MFN1: variants seen among roughly 807,000 people sequenced by gnomAD.
MFN1 encodes mitofusin 1, also known as mitofusin-1.
A neutral mutation model predicts 92.4 loss-of-function variants in MFN1; 65 were observed. The ratio of observed to expected loss-of-function variants is 0.70; its 90% CI spans 0.58 to 0.86. MFN1 has a LOEUF of 0.86. MFN1 is among the 40% of genes least tolerant of loss of function. The probability of loss-of-function intolerance (pLI) is 0.00; values close to 1 mark genes in which losing one functional copy is unlikely to be tolerated. For missense variants in MFN1, 781 were observed against 868.0 expected (o/e 0.90, Z 1.26); for synonymous variants, 297 against 300.9 (o/e 0.99, Z 0.13).
intron 9 of MFN1, among the ~76,000 whole-genome samples, chr3:179,370,006 T>C (rs971268205): frequency 5.3e-5 from 8 of 152,190 alleles, no homozygotes; most frequent in Admixed American, 3.3e-4. Flanking sequence ...TTTGAATTTT[T>C]CCAAACAATC....
chr3:179,350,311 T>A (rs774319779), intron 2 of MFN1, among the ~76,000 whole-genome samples: 1 of 152,082 alleles, frequency 6.6e-6, no homozygotes, highest in Non-Finnish European at 1.5e-5. Context: ...TGAGCTCCTT[T>A]AGGGCAGGAG....
chr3:179,377,552 A>G (rs1022667095), intron 12 of MFN1, 104 bp downstream of exon 12: 12 of 653,324 alleles, frequency 1.8e-5, no homozygotes, highest in African/African-American at 1.8e-4. Context: ...ACAAAATGAA[A>G]CTGTTAGATC....
chr3:179,376,634 A>G (rs1713251584), intron 10 of MFN1, among the ~76,000 whole-genome samples: 2 of 152,194 alleles, frequency 1.3e-5, no homozygotes, highest in African/African-American at 4.8e-5. Context: ...GCAGCCATAG[A>G]TAGATAATAG....
intron 4 of MFN1, 46 bp from the exon 5 acceptor site, chr3:179,362,311 AT>A (rs1240965032): frequency 6.0e-6 from 9 of 1,507,580 alleles, no homozygotes; most frequent in Non-Finnish European, 8.0e-6. Context: ...TTTTTATTGA[AT>A]TTTATTACAA....
At position 179,390,042 on chromosome 3, in the gene MFN1, T is replaced by C; in HGVS notation, c.2051T>C (p.Val684Ala). 1.2e-6 allele frequency: 2 copies of C among 1,605,216 alleles called. No homozygotes were observed. Among genetic ancestry groups the C allele is most frequent in the Non-Finnish European group, 1.7e-6 (2 of 1,177,668 alleles). ...ACTTTTGCTCGCCTGTGCCAACAAG[T>C]TGATATTACTCAAAAACAGCTGGAA... ...ATTFARLCQQ[V>A]DITQKQLEEE... is the part of the protein sequence containing the mutation. The change falls in exon 17 of 18, where the codon GTT (valine) becomes GCT (alanine). Residue 684 changes from valine to alanine, a missense_variant. Physicochemically the swap from Val to Ala is moderately conservative, Grantham distance 64. Transcript: ENST00000471841.
At chr3:179,358,242 C>T (rs1712424466) in intron 3 of MFN1, among the ~76,000 whole-genome samples, 2 of 151,500 alleles carry the variant, frequency 1.3e-5, no homozygotes, top group Admixed American at 1.3e-4. Context: ...CCTCCACCTC[C>T]TGGGTGCAAG....
At chr3:179,361,211 T>C (rs1482357596) in intron 4 of MFN1, among the ~76,000 whole-genome samples, 1 of 152,230 alleles carries the variant, frequency 6.6e-6, no homozygotes, top group Non-Finnish European at 1.5e-5. Flanking sequence ...AAATTCAAAC[T>C]TCTCGTGACT....
At chr3:179,363,126 CAG>C (rs1369817535) in intron 5 of MFN1, among the ~76,000 whole-genome samples, 1 of 152,086 alleles carries the variant, frequency 6.6e-6, no homozygotes, top group African/African-American at 2.4e-5. Flanking sequence ...TTTTTTGAGA[CAG>C]AGTCTCACTC....
At chr3:179,387,408 T>G (rs1213359582) in intron 16 of MFN1, among the ~76,000 whole-genome samples, 1 of 151,884 alleles carries the variant, frequency 6.6e-6, no homozygotes, top group Non-Finnish European at 1.5e-5. Context: ...TAGCCGGGCA[T>G]GGTAGCACAT....
chr3:179,377,911 A>C (rs1184024309), intron 12 of MFN1, among the ~76,000 whole-genome samples: 1 of 152,014 alleles, frequency 6.6e-6, no homozygotes, highest in African/African-American at 2.4e-5. Flanking sequence ...AAATACAAAA[A>C]AAAAATTAGC....
intron 9 of MFN1, among the ~76,000 whole-genome samples, chr3:179,368,421 T>G (rs1490888862): frequency 6.6e-6 from 1 of 152,200 alleles, no homozygotes; most frequent in Non-Finnish European, 1.5e-5. Context: ...GGAACAAGAG[T>G]AAACAAGCGT....
At position 179,358,879 on chromosome 3, in the gene MFN1, G is replaced by T; in HGVS notation, c.288G>T (p.Leu96Phe). 6.2e-7 allele frequency: 1 copy of T among 1,613,906 alleles called. No individual in the cohort carries two copies. Among genetic ancestry groups the T allele is most frequent in the South Asian group, 1.1e-5 (1 of 91,074 alleles). The change falls in exon 4 of 18, where the codon TTG becomes TTT. Residue 96 changes from leucine to phenylalanine, a missense_variant. Coordinates refer to ENST00000471841, the MANE Select transcript of MFN1 (RefSeq NM_033540.3). ...SGKSSVINAMLWDKVLPSGIG... is the reference protein window; with the variant it reads ...SGKSSVINAMFWDKVLPSGIG... ...AGAGCTCTGTTATCAATGCAATGTT[G>T]TGGGATAAAGTTCTCCCTAGTGGGA...
At chr3:179,354,897 C>T (rs777745293) in intron 3 of MFN1, among the ~76,000 whole-genome samples, 3 of 152,100 alleles carry the variant, frequency 2.0e-5, no homozygotes, top group Admixed American at 6.5e-5. Context: ...CGGCTTCAAG[C>T]GATTCTCCTG....
At chr3:179,357,109 C>A (rs368426518) in intron 3 of MFN1, among the ~76,000 whole-genome samples, 139 of 152,248 alleles carry the variant, frequency 9.1e-4, no homozygotes, top group African/African-American at 3.2e-3. Flanking sequence ...GGGGGGTCTT[C>A]AAACTGGTTG....
chr3:179,390,149 C>T lies in MFN1; in HGVS notation c.2147+11C>T, dbSNP rs575266414. On this transcript the variant is annotated intron_variant, in intron 17 of 17. Transcript: ENST00000471841. The stretch of plus-strand genomic sequence containing the variant: ...TTCAAAGCTCTTAAGGTATTTAAAC[C>T]TTTCTTCTCAATAATTTGAACATTT... The T allele has an allele frequency of 6.5e-7, 1 of 1,529,198 alleles. No homozygotes were observed. Among genetic ancestry groups the T allele is most frequent in the South Asian group, 1.3e-5 (1 of 75,394 alleles). The allele number at this position is 1,529,198 out of a possible 1,614,324, so 94.7% of individuals were successfully genotyped here.
At chr3:179,355,778 C>T (rs1480562539) in intron 3 of MFN1, among the ~76,000 whole-genome samples, 1 of 151,984 alleles carries the variant, frequency 6.6e-6, no homozygotes, top group African/African-American at 2.4e-5. Flanking sequence ...ATGGTGAATC[C>T]CTGTCTCTAC....
intron 12 of MFN1, among the ~76,000 whole-genome samples, chr3:179,377,770 CA>C (rs1006459381): frequency 4.0e-5 from 6 of 151,776 alleles, no homozygotes; most frequent in Admixed American, 3.9e-4. Flanking sequence ...CTCTAATCTA[CA>C]AAAAACAGTT....
chr3:179,372,174 G>A (rs1713051034), intron 9 of MFN1, among the ~76,000 whole-genome samples: 1 of 149,092 alleles, frequency 6.7e-6, no homozygotes, highest in African/African-American at 2.4e-5. Context: ...ATGGAGGGAG[G>A]GGAGAAGTAA....
intron 4 of MFN1, among the ~76,000 whole-genome samples, chr3:179,360,549 CAAA>C (rs5854830): frequency 1.0e-4 from 15 of 143,412 alleles, no homozygotes; most frequent in Admixed American, 6.9e-5. Flanking sequence ...CTCCTTCAGC[CAAA>C]AAAAAAAAAA....
Sources: gnomAD v4.1 joint callset for allele counts (sites outside exome capture counted in the v4.1 genomes callset) on GRCh38, gnomAD v4.1.1 for gene constraint, MANE v1.5 for transcripts, NCBI Gene and HGNC (gene_info 2026-07-23, HGNC 2026-07-21) for gene names.